The following DPYSL2 variants were observed in gnomAD, a reference collection of about 807,000 sequenced individuals.
DPYSL2 encodes dihydropyrimidinase like 2, also known as dihydropyrimidinase-related protein 2.
DPYSL2 carries 13 observed loss-of-function variants against 69.9 expected under a neutral mutation model. The ratio of observed to expected loss-of-function variants is 0.19; its 90% CI spans 0.12 to 0.30. DPYSL2 has a LOEUF of 0.30. DPYSL2 is among the 10% of genes least tolerant of loss of function. The probability of loss-of-function intolerance (pLI) is 1.00; values close to 1 mark genes in which losing one functional copy is unlikely to be tolerated. For synonymous variants in DPYSL2, 326 were observed against 359.1 expected (o/e 0.91, Z 1.04); for missense variants, 587 against 918.9 (o/e 0.64, Z 4.67).
chr8:26,635,793 A>G (rs1163841344), intron 8 of DPYSL2, among the ~76,000 whole-genome samples: 2 of 150,294 alleles, frequency 1.3e-5, no homozygotes, highest in African/African-American at 4.9e-5. Flanking sequence ...TTTCTGTTTC[A>G]TTTTATCTTT....
rs180754095 is a variant in DPYSL2 at position 26,607,606 on chromosome 8, G to A, written c.629-16537G>A. On this transcript the variant is annotated intron_variant, in intron 3 of 13. Coordinates refer to ENST00000521913, the MANE Select transcript of DPYSL2 (RefSeq NM_001197293.3). ...GAAATTCAAGACCAGCCTGGGAAGC[G>A]TAGGGAGACCCTGTCTCTACAAAAA... Among the ~76,000 whole-genome samples, 12 of 152,034 alleles carry A rather than the reference G, an allele frequency of 7.9e-5. No individual in the cohort carries two copies. In the East Asian group the frequency reaches 1.2e-3, roughly 15 times the overall value.
intron 7 of DPYSL2, among the ~76,000 whole-genome samples, chr8:26,632,179 G>A (rs995479232): frequency 1.3e-5 from 2 of 152,214 alleles, no homozygotes; most frequent in African/African-American, 4.8e-5. Context: ...GGACACTAGG[G>A]AGTGCAGACA....
chr8:26,626,502 C>G lies in DPYSL2; in HGVS notation c.794-115C>G. ...ACTGAAACACACACACACACACACA[C>G]ACACACACACACACACACACGTACA... On this transcript the variant is annotated intron_variant, in intron 4 of 13. Transcript: ENST00000521913. This position sits in a 1 kb window ranked among gnomAD's most constrained non-coding sequence, Gnocchi z 4.3. 1 of 797,342 alleles carries G rather than the reference C, an allele frequency of 1.3e-6. No individual in the cohort carries two copies. The highest frequency in any genetic ancestry group is 2.1e-6 in the Non-Finnish European group (1 of 484,766). The allele number at this position is 797,342 out of a possible 1,614,324, so 49.4% of individuals were successfully genotyped here. A position where few individuals can be genotyped will look rare whatever the true frequency, so the allele number is the denominator to read the frequency against.
chr8:26,514,279 G>A lies in DPYSL2; in HGVS notation c.-47G>A, dbSNP rs1230985423. On this transcript the variant is annotated 5_prime_UTR_variant, in exon 1 of 14. Coordinates refer to ENST00000521913, the MANE Select transcript of DPYSL2 (RefSeq NM_001197293.3). This position sits in a 1 kb window ranked among gnomAD's most constrained non-coding sequence, Gnocchi z 8.4. ...CACAGCGAGGGAGACTTAGGGACTG[G>A]CAGACGGACGGACGGACGGCGAGGA... The A allele has an allele frequency of 2.1e-6, 3 of 1,405,950 alleles. No individual in the cohort carries two copies. The highest frequency in any genetic ancestry group is 3.0e-5 in the Admixed American group (1 of 33,890). The allele number at this position is 1,405,950 out of a possible 1,614,324, so 87.1% of individuals were successfully genotyped here.
At position 26,582,301 on chromosome 8, in the gene DPYSL2, C is replaced by G. The variant is rs1192171696; in HGVS notation, c.443+244C>G. ...GTATTATGTAATTTACTATTTTTAACTGAGGTGATATGATATCTTTCTGTT... is the reference window on the plus strand; with the variant it reads ...GTATTATGTAATTTACTATTTTTAAGTGAGGTGATATGATATCTTTCTGTT... On this transcript the variant is annotated intron_variant, in intron 2 of 13. Transcript: ENST00000521913. This position sits in a 1 kb window ranked among gnomAD's most constrained non-coding sequence, Gnocchi z 4.1. 1.3e-5 allele frequency among the ~76,000 whole-genome samples: 2 copies of G among 152,158 alleles called. No homozygotes were observed. Among genetic ancestry groups the G allele is most frequent in the Non-Finnish European group, 2.9e-5 (2 of 68,036 alleles).
chr8:26,529,490 A>G lies in DPYSL2; in HGVS notation c.354+14811A>G, dbSNP rs543619771. Among the ~76,000 whole-genome samples the G allele has an allele frequency of 5.3e-3, 800 of 151,634 alleles. 9 individuals are homozygous for G. The highest frequency in any genetic ancestry group is 0.018 in the African/African-American group (756 of 41,312). ...TACCACCACACCTGGCTCATTTTTTAATTTTTTGTAGAGACATGGCCTCAT... is the reference window on the plus strand; with the variant it reads ...TACCACCACACCTGGCTCATTTTTTGATTTTTTGTAGAGACATGGCCTCAT... On this transcript the variant is annotated intron_variant, in intron 1 of 13. Transcript: ENST00000521913.
chr8:26,652,491 C>T lies in DPYSL2; in HGVS notation c.1776+55C>T. On this transcript the variant is annotated intron_variant, in intron 12 of 13. Transcript: ENST00000521913. This position sits in a 1 kb window ranked among gnomAD's most constrained non-coding sequence, Gnocchi z 6.3. ...GTTAAATCACGAATTAAGTTCAAGG[C>T]CACAAACATTTATTAAGCACCTTGA... 6.6e-7 allele frequency: 1 copy of T among 1,524,244 alleles called. No individual in the cohort carries two copies. Among genetic ancestry groups the T allele is most frequent in the Non-Finnish European group, 8.9e-7 (1 of 1,119,206 alleles). 94.4% of individuals were successfully genotyped at this position (1,524,244 alleles called of 1,614,324 possible).
rs1802659260 is a variant in DPYSL2, at chr8:26,627,972, A to C, written c.1005+32A>C. ...GTTCACCAAGCGGAATGCGTGAATC[A>C]GTGTCCCTTGGGCACTGTGCAGAGC... On this transcript the variant is annotated intron_variant, in intron 7 of 13. Transcript: ENST00000521913. The surrounding 1 kb of genome is among the most constrained non-coding windows in gnomAD (Gnocchi z 6.9). 6.2e-7 allele frequency: 1 copy of C among 1,607,508 alleles called. No individual in the cohort carries two copies. Among genetic ancestry groups the C allele is most frequent in the Non-Finnish European group, 8.5e-7 (1 of 1,177,350 alleles).
At position 26,622,073 on chromosome 8, in the gene DPYSL2, TTTTCTTTC is replaced by T. The variant is rs1237614193; in HGVS notation, c.629-2057_629-2050del. ...AGTGATATTTTTATGCTTTTCTTTT[TTTTCTTTC>T]TTTCTTTCTTTCCTTCCTTCCTTCC... On this transcript the variant is annotated intron_variant, in intron 3 of 13. Transcript: ENST00000521913. Among the ~76,000 whole-genome samples the T allele has an allele frequency of 7.2e-5, 10 of 139,136 alleles. No homozygotes were observed. In the East Asian group the frequency reaches 1.3e-3, roughly 18 times the overall value. The allele number at this position is 139,136 out of a possible 152,430, so 91.3% of individuals were successfully genotyped here. A position where few individuals can be genotyped will look rare whatever the true frequency, so the allele number is the denominator to read the frequency against.
chr8:26,542,900 T>C (rs1038627419), intron 1 of DPYSL2, among the ~76,000 whole-genome samples: 2 of 152,218 alleles, frequency 1.3e-5, no homozygotes, highest in African/African-American at 4.8e-5. Flanking sequence ...ATACAGTATG[T>C]ATGTATCATG....
chr8:26,571,301 A>G lies in DPYSL2; in HGVS notation c.355-10668A>G, dbSNP rs530871777. 4.6e-5 allele frequency among the ~76,000 whole-genome samples: 7 copies of G among 152,152 alleles called. No individual in the cohort carries two copies. Among genetic ancestry groups the G allele is most frequent in the Non-Finnish European group, 8.8e-5 (6 of 68,036 alleles). ...GATGTCTGAGCTGGGGCCCAGGGTGATTCTGATGGAGGGGAGTACTTGGGC... is the reference window on the plus strand; with the variant it reads ...GATGTCTGAGCTGGGGCCCAGGGTGGTTCTGATGGAGGGGAGTACTTGGGC... On this transcript the variant is annotated intron_variant, in intron 1 of 13. Coordinates refer to ENST00000521913, the MANE Select transcript of DPYSL2 (RefSeq NM_001197293.3). This position sits in a 1 kb window ranked among gnomAD's most constrained non-coding sequence, Gnocchi z 6.1.
chr8:26,528,596 A>G (rs1013117102), intron 1 of DPYSL2, among the ~76,000 whole-genome samples: 2 of 151,716 alleles, frequency 1.3e-5, no homozygotes, highest in African/African-American at 2.4e-5. Flanking sequence ...GCAGTGAGCC[A>G]AGATCGCGCC....
chr8:26,555,747 T>C (rs1398314307), intron 1 of DPYSL2, among the ~76,000 whole-genome samples: 1 of 150,396 alleles, frequency 6.6e-6, no homozygotes, highest in African/African-American at 2.4e-5. Flanking sequence ...ATTAGCTTGG[T>C]TGGGGGGCGT....
chr8:26,562,702 G>A lies in DPYSL2; in HGVS notation c.355-19267G>A, dbSNP rs1684227447. 6.6e-6 allele frequency among the ~76,000 whole-genome samples: 1 copy of A among 152,168 alleles called. No individual in the cohort carries two copies. Among genetic ancestry groups the A allele is most frequent in the Non-Finnish European group, 1.5e-5 (1 of 68,036 alleles). Reference sequence around the variant, plus strand: ...TAACAAATAGCCCCAAAATATAGTGGCAAAGACCAACAACACTCTTACTGT... The same window carrying A: ...TAACAAATAGCCCCAAAATATAGTGACAAAGACCAACAACACTCTTACTGT... On this transcript the variant is annotated intron_variant, in intron 1 of 13. Coordinates refer to ENST00000521913, the MANE Select transcript of DPYSL2 (RefSeq NM_001197293.3). The surrounding 1 kb of genome is among the most constrained non-coding windows in gnomAD (Gnocchi z 4.9).
chr8:26,578,386 G>T, intron 1 of DPYSL2: 1 of 1,585,104 alleles, frequency 6.3e-7, no homozygotes. Context: ...GGAAAGGAGA[G>T]GGACCGAACT....
In DPYSL2 at chr8:26,641,573, C is replaced by T. The variant is rs4733048; in HGVS notation, c.1127-1866C>T. On this transcript the variant is annotated intron_variant, in intron 8 of 13. Coordinates refer to ENST00000521913, the MANE Select transcript of DPYSL2 (RefSeq NM_001197293.3). This position sits in a 1 kb window ranked among gnomAD's most constrained non-coding sequence, Gnocchi z 4.1. ...CTCATTATGTGGTGTTTTTCCACTT[C>T]GGGATGAACCGGAGTGGTTTGTGCA... Among the ~76,000 whole-genome samples the T allele has an allele frequency of 0.86, 131,070 of 152,296 alleles. 56,806 individuals carry two copies. Among genetic ancestry groups the T allele is most frequent in the African/African-American group, 0.91 (37,661 of 41,562 alleles).
chr8:26,638,427 G>GA, intron 8 of DPYSL2, among the ~76,000 whole-genome samples: 1 of 152,334 alleles, frequency 6.6e-6, no homozygotes, highest in African/African-American at 2.4e-5. Context: ...GCCAAGACCT[G>GA]CTGGTCCAGA....
chr8:26,599,972 G>A (rs1038077175), intron 3 of DPYSL2, among the ~76,000 whole-genome samples: 1 of 151,952 alleles, frequency 6.6e-6, no homozygotes, highest in Admixed American at 6.6e-5. Flanking sequence ...TTTCTATAGC[G>A]TTGCCTGTTC....
At chr8:26,537,634 A>ACACACACACC (rs1554533026) in intron 1 of DPYSL2, among the ~76,000 whole-genome samples, 1 of 150,584 alleles carries the variant, frequency 6.6e-6, no homozygotes. Context: ...ACACACACAC[A>ACACACACACC]ACTGTATATT....
Sources: allele counts gnomAD v4.1 joint callset (sites outside exome capture counted in the v4.1 genomes callset), GRCh38; gene constraint gnomAD v4.1.1; non-coding constraint Gnocchi (gnomAD v3.1); transcripts MANE v1.5; gene names NCBI Gene and HGNC (gene_info 2026-07-23, HGNC 2026-07-21).